The following SMG6 variants were observed in gnomAD, a reference collection of about 807,000 sequenced individuals.
SMG6 encodes the protein SMG6 nonsense mediated mRNA decay factor, also known as telomerase-binding protein EST1A.
In SMG6, 66 loss-of-function variants were observed where a neutral mutation model predicts 142.2. That is an observed-to-expected ratio of 0.46 (90% CI 0.38 to 0.57). The LOEUF (loss-of-function observed/expected upper bound fraction) is 0.57. Among genes scored for constraint, SMG6 ranks in the 20% least tolerant of loss-of-function variants. The pLI, the probability that SMG6 is intolerant of heterozygous loss-of-function variation, is 0.00. For synonymous variants in SMG6, 779 were observed against 702.4 expected, an observed-to-expected ratio of 1.11 and a Z score of -1.72; for missense variants, 1,793 against 1,832.0, an observed-to-expected ratio of 0.98 and a Z score of 0.39.
chr17:2,263,381 T>C (rs1024352359), intron 8 of SMG6, among the ~76,000 whole-genome samples: 13 of 152,166 alleles, frequency 8.5e-5, no homozygotes, highest in African/African-American at 3.1e-4. Context: ...GTAAAAGCAG[T>C]ACTACTAGTA....
chr17:2,121,437 G>A (rs1010930833), intron 13 of SMG6, among the ~76,000 whole-genome samples: 2 of 152,098 alleles, frequency 1.3e-5, no homozygotes, highest in African/African-American at 4.8e-5. Context: ...TTTATATGGG[G>A]TTCTAAAATA....
intron 8 of SMG6, among the ~76,000 whole-genome samples, chr17:2,256,958 ATG>A (rs2074196010): frequency 3.3e-5 from 1 of 30,036 alleles, no homozygotes; most frequent in Non-Finnish European, 1.1e-4. Context: ...AAAGGTATGT[ATG>A]TATGTATGTA....
chr17:2,124,868 C>T lies in SMG6; in HGVS notation c.3358-38967G>A, dbSNP rs1210910333. Among the ~76,000 whole-genome samples the T allele has an allele frequency of 3.3e-5, 5 of 152,208 alleles. No homozygotes were observed. The East Asian group carries it at 7.7e-4, about 23-fold the overall frequency. Reference sequence around the variant, plus strand: ...TGCAGGCATCTCTTAGACTGCTGACCCTCAAGGAAAATGCAATTGGGAGCA... The same window carrying T: ...TGCAGGCATCTCTTAGACTGCTGACTCTCAAGGAAAATGCAATTGGGAGCA... On this transcript the variant is annotated intron_variant, in intron 13 of 18. Coordinates refer to ENST00000263073, the MANE Select transcript of SMG6 (RefSeq NM_017575.5).
rs762258906 is a variant in SMG6 at position 2,068,902 on chromosome 17, C to T, written c.3711G>A (p.Arg1237=). ...QAVLEDHSQM[R]QMELEIRPLF... ...AAGGTCTGATTTCGAGCTCCATCTG[C>T]CTCATCTGACTGTGGTCCTCCAGGA... is the stretch of plus-strand genomic sequence containing the variant. The change falls in exon 16 of 19, where the codon AGG becomes AGA. Residue 1237 remains arginine (R), a synonymous_variant. Coordinates refer to ENST00000263073, the MANE Select transcript of SMG6 (RefSeq NM_017575.5). This position sits in a 1 kb window ranked among gnomAD's most constrained non-coding sequence, Gnocchi z 6.7. 1 of 1,614,224 alleles carries T rather than the reference C, an allele frequency of 6.2e-7. No homozygotes were observed. The highest frequency in any genetic ancestry group is 1.1e-5 in the South Asian group (1 of 91,086).
intron 8 of SMG6, among the ~76,000 whole-genome samples, chr17:2,277,159 TTATTTA>T (rs1426957099): frequency 3.7e-4 from 22 of 59,178 alleles, no homozygotes; most frequent in African/African-American, 1.6e-3. Flanking sequence ...ATTTATTTAT[TTATTTA>T]TTTTTTATTT....
intron 12 of SMG6, among the ~76,000 whole-genome samples, chr17:2,179,711 C>A (rs530137937): frequency 6.6e-6 from 1 of 152,116 alleles, no homozygotes; most frequent in Non-Finnish European, 1.5e-5. Flanking sequence ...TCTCCAGAGC[C>A]CCAGCTATGT....
intron 13 of SMG6, among the ~76,000 whole-genome samples, chr17:2,139,446 G>A (rs1377054025): frequency 1.5e-5 from 2 of 130,902 alleles, no homozygotes; most frequent in Non-Finnish European, 3.2e-5. Flanking sequence ...TTTTGAGATG[G>A]AGTCTCACTC....
chr17:2,113,528 GCA>G (rs2151499387), intron 13 of SMG6, among the ~76,000 whole-genome samples: 1 of 152,326 alleles, frequency 6.6e-6, no homozygotes, highest in South Asian at 2.1e-4. Context: ...CTCCACGAGA[GCA>G]CACAATTCTT....
At chr17:2,150,824 G>A (rs1366996916) in intron 13 of SMG6, among the ~76,000 whole-genome samples, 4 of 151,958 alleles carry the variant, frequency 2.6e-5, no homozygotes, top group Admixed American at 6.5e-5. Flanking sequence ...ATCTTACACC[G>A]AGGCTGTGAA....
At chr17:2,095,900 G>A (rs929952855) in intron 13 of SMG6, among the ~76,000 whole-genome samples, 2 of 132,760 alleles carry the variant, frequency 1.5e-5, no homozygotes, top group African/African-American at 2.9e-5. Flanking sequence ...CCCTAATCCG[G>A]AACTTCAAGC....
chr17:2,076,928 C>A (rs1479455690), intron 15 of SMG6, among the ~76,000 whole-genome samples: 1 of 152,214 alleles, frequency 6.6e-6, no homozygotes, highest in African/African-American at 2.4e-5. Context: ...GCAGCCTGGA[C>A]AGGGCCCACC....
At chr17:2,098,369 C>T (rs1210813037) in intron 13 of SMG6, among the ~76,000 whole-genome samples, 3 of 152,182 alleles carry the variant, frequency 2.0e-5, no homozygotes, top group Non-Finnish European at 4.4e-5. Context: ...AGTACAAGCC[C>T]TCCACCAACT....
At chr17:2,129,631 T>G (rs1270037519) in intron 13 of SMG6, among the ~76,000 whole-genome samples, 2 of 151,094 alleles carry the variant, frequency 1.3e-5, no homozygotes, top group Non-Finnish European at 3.0e-5. Flanking sequence ...CTGTTTCTAC[T>G]TAAAATAAAA....
At chr17:2,289,423 G>A (rs1027607759) in intron 6 of SMG6, among the ~76,000 whole-genome samples, 24 of 152,096 alleles carry the variant, frequency 1.6e-4, no homozygotes, top group East Asian at 3.9e-4. Context: ...TGGGTATGAT[G>A]GTGAGTGCCT....
intron 13 of SMG6, among the ~76,000 whole-genome samples, chr17:2,150,352 A>G (rs1405551118): frequency 6.6e-6 from 1 of 152,202 alleles, no homozygotes. Flanking sequence ...CCTGGTGCCA[A>G]AAAGGTTGGG....
At chr17:2,136,752 G>C (rs1299639562) in intron 13 of SMG6, among the ~76,000 whole-genome samples, 1 of 136,468 alleles carries the variant, frequency 7.3e-6, no homozygotes, top group Non-Finnish European at 1.6e-5. Context: ...TAGCTTTTTT[G>C]TCTAAAGACA....
chr17:2,113,539 T>G (rs2069405003), intron 13 of SMG6, among the ~76,000 whole-genome samples: 1 of 152,196 alleles, frequency 6.6e-6, no homozygotes. Context: ...CACACAATTC[T>G]TAAATGGGTC....
intron 13 of SMG6, among the ~76,000 whole-genome samples, chr17:2,154,168 C>G (rs1175290517): frequency 7.0e-6 from 1 of 142,178 alleles, no homozygotes; most frequent in Non-Finnish European, 1.5e-5. Context: ...CCTGAGGATG[C>G]ACGTAGAGTG....
chr17:2,214,105 AC>A (rs1286022941), intron 10 of SMG6: 1 of 152,192 alleles, frequency 6.6e-6, no homozygotes, highest in Non-Finnish European at 1.5e-5. Flanking sequence ...AAGTCTCAGA[AC>A]CCATGCCCAA....
Sources: gnomAD v4.1 joint callset for allele counts (sites outside exome capture counted in the v4.1 genomes callset) on GRCh38, gnomAD v4.1.1 for gene constraint, Gnocchi (gnomAD v3.1) non-coding constraint, MANE v1.5 for transcripts, NCBI Gene and HGNC (gene_info 2026-07-23, HGNC 2026-07-21) for gene names.